KCND2: variants seen among roughly 807,000 people sequenced by gnomAD.
The protein encoded by KCND2 is potassium voltage-gated channel subfamily D member 2.
Under a neutral mutation model 54.4 loss-of-function variants are expected in KCND2, and 16 were observed. The observed-to-expected ratio is 0.29, with a 90% CI of 0.20 to 0.45. The LOEUF (loss-of-function observed/expected upper bound fraction) is 0.45. KCND2 is among the 20% of genes least tolerant of loss of function. The probability of loss-of-function intolerance (pLI) is 1.00; values close to 1 mark genes in which losing one functional copy is unlikely to be tolerated. For missense variants in KCND2, 486 were observed against 824.2 expected (o/e 0.59, Z 5.02); for synonymous variants, 317 against 310.7 (o/e 1.02, Z -0.21).
chr7:120,422,720 C>T (rs1208160152), intron 1 of KCND2, among the ~76,000 whole-genome samples: 3 of 152,178 alleles, frequency 2.0e-5, no homozygotes, highest in Non-Finnish European at 4.4e-5. Flanking sequence ...ACCCACAGCC[C>T]AGGCAGTGTG....
intron 1 of KCND2, among the ~76,000 whole-genome samples, chr7:120,316,605 A>T (rs1306283594): frequency 6.6e-6 from 1 of 152,162 alleles, no homozygotes; most frequent in East Asian, 1.9e-4. Context: ...CCACTCATGT[A>T]AATTTTAGGT....
intron 1 of KCND2, among the ~76,000 whole-genome samples, chr7:120,419,408 C>A (rs1181292663): frequency 2.0e-5 from 3 of 152,080 alleles, no homozygotes; most frequent in Non-Finnish European, 4.4e-5. Flanking sequence ...TATATGAAAT[C>A]TAAGTATATT....
chr7:120,589,267 T>C (rs1050918785), intron 1 of KCND2, among the ~76,000 whole-genome samples: 7 of 152,222 alleles, frequency 4.6e-5, no homozygotes, highest in Non-Finnish European at 7.3e-5. Context: ...AGATTCACCA[T>C]GTCAAATAAA....
intron 1 of KCND2, among the ~76,000 whole-genome samples, chr7:120,522,755 A>G (rs570975762): frequency 1.3e-5 from 2 of 152,320 alleles, no homozygotes; most frequent in South Asian, 4.1e-4. Flanking sequence ...ATGACATTAG[A>G]CAAATCATAT....
chr7:120,572,175 T>C (rs1792374340), intron 1 of KCND2, among the ~76,000 whole-genome samples: 1 of 151,720 alleles, frequency 6.6e-6, no homozygotes, highest in African/African-American at 2.4e-5. Context: ...TAACTATGAA[T>C]GCTTTTTTTT....
intron 1 of KCND2, among the ~76,000 whole-genome samples, chr7:120,374,636 A>T (rs1800811378): frequency 1.3e-5 from 2 of 151,786 alleles, no homozygotes; most frequent in South Asian, 2.1e-4. Context: ...TGATTTTCAG[A>T]TAAAATTTAG....
intron 1 of KCND2, among the ~76,000 whole-genome samples, chr7:120,404,485 T>G (rs1280037988): frequency 6.6e-6 from 1 of 152,132 alleles, no homozygotes; most frequent in Non-Finnish European, 1.5e-5. Flanking sequence ...GAGGAAATAC[T>G]GTAAAGCAAG....
Position 120,748,073 on chromosome 7 carries a change from G to A in KCND2, c.*215G>A. Reference sequence around the variant, plus strand: ...CCTGTTATACAGAGTAATATTCTGTGGCCCTTTGACTTTGTGAATGAGCAC... The same window carrying A: ...CCTGTTATACAGAGTAATATTCTGTAGCCCTTTGACTTTGTGAATGAGCAC... On this transcript the variant is annotated 3_prime_UTR_variant, in exon 6 of 6. Transcript: ENST00000331113. 2.2e-6 allele frequency: 1 copy of A among 449,994 alleles called. No individual in the cohort carries two copies. Among genetic ancestry groups the A allele is most frequent in the Non-Finnish European group, 4.0e-6 (1 of 250,804 alleles). The allele number at this position is 449,994 out of a possible 1,614,324, so 27.9% of individuals were successfully genotyped here. A position where few individuals can be genotyped will look rare whatever the true frequency, so the allele number is the denominator to read the frequency against.
intron 1 of KCND2, among the ~76,000 whole-genome samples, chr7:120,521,029 G>A (rs987497237): frequency 1.3e-5 from 2 of 152,096 alleles, no homozygotes; most frequent in Non-Finnish European, 2.9e-5. Context: ...ACCAACCCTG[G>A]ATGCAAGATA....
At chr7:120,381,948 G>A (rs535200588) in intron 1 of KCND2, among the ~76,000 whole-genome samples, 3 of 152,020 alleles carry the variant, frequency 2.0e-5, no homozygotes, top group South Asian at 2.1e-4. Flanking sequence ...AGTCAAATCC[G>A]TCATTTTTGT....
intron 1 of KCND2, among the ~76,000 whole-genome samples, chr7:120,507,197 T>G (rs560140398): frequency 1.1e-4 from 17 of 152,026 alleles, no homozygotes; most frequent in African/African-American, 3.9e-4. Context: ...CTGGTTCTTC[T>G]AACACAGACT....
chr7:120,721,504 G>A (rs148634365), intron 1 of KCND2, among the ~76,000 whole-genome samples: 104 of 152,068 alleles, frequency 6.8e-4, no homozygotes, highest in African/African-American at 2.3e-3. Flanking sequence ...ATAAGCTCCC[G>A]GATTCTCATC....
At chr7:120,662,309 T>C (rs1791875869) in intron 1 of KCND2, among the ~76,000 whole-genome samples, 1 of 152,198 alleles carries the variant, frequency 6.6e-6, no homozygotes, top group African/African-American at 2.4e-5. Context: ...AATCTTCTCC[T>C]AAATGCCTCC....
chr7:120,342,297 A>T (rs1187660517), intron 1 of KCND2, among the ~76,000 whole-genome samples: 1 of 152,190 alleles, frequency 6.6e-6, no homozygotes, highest in Non-Finnish European at 1.5e-5. Flanking sequence ...AGTGATAAGT[A>T]CAATGATGTA....
chr7:120,386,250 A>T (rs1222599236), intron 1 of KCND2, among the ~76,000 whole-genome samples: 2 of 152,134 alleles, frequency 1.3e-5, no homozygotes, highest in African/African-American at 4.8e-5. Context: ...AATCATATTT[A>T]TTTTTATTTT....
At chr7:120,618,675 C>T (rs900022462) in intron 1 of KCND2, among the ~76,000 whole-genome samples, 58 of 152,082 alleles carry the variant, frequency 3.8e-4, no homozygotes, top group Admixed American at 1.0e-3. Flanking sequence ...TTAATTTACA[C>T]GGAACTGTTA....
At chr7:120,486,183 A>G (rs1458179143) in intron 1 of KCND2, among the ~76,000 whole-genome samples, 4 of 152,228 alleles carry the variant, frequency 2.6e-5, no homozygotes, top group Non-Finnish European at 4.4e-5. Flanking sequence ...CTGAAGGCCC[A>G]GAAGGATTGT....
At chr7:120,393,330 A>G (rs968365810) in intron 1 of KCND2, among the ~76,000 whole-genome samples, 2 of 152,042 alleles carry the variant, frequency 1.3e-5, no homozygotes, top group Admixed American at 6.6e-5. Context: ...CGGGAGCACC[A>G]TTAATGTTAG....
At chr7:120,659,001 C>T (rs1343723287) in intron 1 of KCND2, among the ~76,000 whole-genome samples, 2 of 152,144 alleles carry the variant, frequency 1.3e-5, no homozygotes, top group South Asian at 2.1e-4. Flanking sequence ...TTGAATCTTC[C>T]TAACTTTATA....
Sources: gnomAD v4.1 joint callset for allele counts (sites outside exome capture counted in the v4.1 genomes callset) on GRCh38, gnomAD v4.1.1 for gene constraint, MANE v1.5 for transcripts, NCBI Gene and HGNC (gene_info 2026-07-23, HGNC 2026-07-21) for gene names.